Variants in KLHL1 observed in about 807,000 individuals in gnomAD.
KLHL1 encodes the protein kelch like family member 1, also known as kelch-like protein 1.
KLHL1 carries 47 observed loss-of-function variants against 77.7 expected under a neutral mutation model. The ratio of observed to expected loss-of-function variants is 0.60; its 90% confidence interval spans 0.48 to 0.77. The LOEUF (loss-of-function observed/expected upper bound fraction) is 0.77. Ranked by LOEUF, KLHL1 falls within the 30% of genes least tolerant of loss-of-function variation. The probability of loss-of-function intolerance (pLI) is 0.00; values close to 1 mark genes in which losing one functional copy is unlikely to be tolerated. For synonymous variants in KLHL1, 360 were observed against 325.2 expected (o/e 1.11, Z -1.15); for missense variants, 925 against 910.8 (o/e 1.02, Z -0.20).
At chr13:69,894,774 TGA>T (rs1881569046) in intron 4 of KLHL1, 2 of 233,832 alleles carry the variant, frequency 8.6e-6, no homozygotes, top group Non-Finnish European at 1.7e-5. Context: ...TCAGGATGTG[TGA>T]GAGGAAGCTC....
intron 1 of KLHL1, among the ~76,000 whole-genome samples, chr13:69,976,691 G>C (rs1291390588): frequency 6.6e-6 from 1 of 151,998 alleles, no homozygotes; most frequent in African/African-American, 2.4e-5. Flanking sequence ...ATCTTAGAAA[G>C]TAACATGGAG....
chr13:69,855,303 G>C (rs939898067), intron 5 of KLHL1, among the ~76,000 whole-genome samples: 1 of 93,590 alleles, frequency 1.1e-5, no homozygotes, highest in African/African-American at 5.5e-5. Flanking sequence ...TAGATAGATA[G>C]ATAGATAGAT....
At chr13:69,951,963 G>A (rs1249989910) in intron 3 of KLHL1, among the ~76,000 whole-genome samples, 1 of 151,354 alleles carries the variant, frequency 6.6e-6, no homozygotes, top group Non-Finnish European at 1.5e-5. Context: ...AACACTATCC[G>A]AGCACATTGA....
chr13:70,038,186 T>C (rs79706319), intron 1 of KLHL1, among the ~76,000 whole-genome samples: 4,145 of 152,332 alleles, frequency 0.027, 89 homozygotes, highest in African/African-American at 0.055. Context: ...TTTATAGTTT[T>C]CACTCAGCAT....
chr13:70,057,549 G>C (rs1302064109), intron 1 of KLHL1, among the ~76,000 whole-genome samples: 1 of 148,906 alleles, frequency 6.7e-6, no homozygotes, highest in Non-Finnish European at 1.5e-5. Flanking sequence ...GGCCGAGGCG[G>C]GTGGATCATG....
intron 6 of KLHL1, among the ~76,000 whole-genome samples, chr13:69,822,688 T>G (rs1005406148): frequency 6.6e-6 from 1 of 152,124 alleles, no homozygotes; most frequent in African/African-American, 2.4e-5. Flanking sequence ...TACAACCTTA[T>G]AACAATAGGC....
At chr13:69,732,655 GC>G (rs1292511781) in intron 8 of KLHL1, among the ~76,000 whole-genome samples, 6 of 138,260 alleles carry the variant, frequency 4.3e-5, no homozygotes, top group African/African-American at 1.1e-4. Flanking sequence ...TTGTTTGTTT[GC>G]TTTTTTTTTT....
intron 5 of KLHL1, among the ~76,000 whole-genome samples, chr13:69,872,754 A>AT (rs1880629761): frequency 6.6e-6 from 1 of 152,008 alleles, no homozygotes; most frequent in African/African-American, 2.4e-5. Flanking sequence ...TAAAACGGGG[A>AT]TTTTTTGGTA....
At position 69,712,498 on chromosome 13, in the gene KLHL1, G is replaced by A. The variant is rs59519359; in HGVS notation, c.2016-4702C>T. On this transcript the variant is annotated intron_variant, in intron 9 of 10. Coordinates refer to ENST00000377844, the MANE Select transcript of KLHL1 (RefSeq NM_020866.3). Reference sequence around the variant, plus strand: ...GCCATAATCAAGATTCTTTATATGTGTGATTTTGTTTCTGAACACAAATCT... The same window carrying A: ...GCCATAATCAAGATTCTTTATATGTATGATTTTGTTTCTGAACACAAATCT... Among the ~76,000 whole-genome samples the A allele has an allele frequency of 5.9e-3, 899 of 151,814 alleles. 4 individuals carry two copies. The highest frequency in any genetic ancestry group is 0.02 in the African/African-American group (831 of 41,394).
intron 4 of KLHL1, among the ~76,000 whole-genome samples, chr13:69,926,946 CAAA>C (rs71116960): frequency 1.9e-4 from 7 of 36,032 alleles, no homozygotes; most frequent in East Asian, 1.1e-3. Flanking sequence ...GACTCCATCT[CAAA>C]AAAAAAAAAA....
At chr13:70,081,741 GC>G (rs1187720502) in intron 1 of KLHL1, among the ~76,000 whole-genome samples, 1 of 152,154 alleles carries the variant, frequency 6.6e-6, no homozygotes, top group Non-Finnish European at 1.5e-5. Flanking sequence ...CTGGATCGTG[GC>G]CTAGTGAAAC....
chr13:69,740,227 C>T (rs1873928588), intron 8 of KLHL1, among the ~76,000 whole-genome samples, 167 bp downstream of exon 8: 1 of 151,844 alleles, frequency 6.6e-6, no homozygotes, highest in Non-Finnish European at 1.5e-5. Flanking sequence ...TTTTGGGTTC[C>T]GTTGTCTATA....
At chr13:70,025,419 G>A (rs1198869601) in intron 1 of KLHL1, among the ~76,000 whole-genome samples, 2 of 151,842 alleles carry the variant, frequency 1.3e-5, no homozygotes, top group African/African-American at 4.8e-5. Context: ...TCTGGCATTT[G>A]TCATGTAATG....
At chr13:69,906,075 T>C (rs1219180140) in intron 4 of KLHL1, among the ~76,000 whole-genome samples, 2 of 152,062 alleles carry the variant, frequency 1.3e-5, no homozygotes, top group Non-Finnish European at 2.9e-5. Flanking sequence ...TGGCTTCACA[T>C]TGGGAATTTT....
At chr13:69,929,993 G>C (rs1306334601) in intron 4 of KLHL1, among the ~76,000 whole-genome samples, 1 of 151,780 alleles carries the variant, frequency 6.6e-6, no homozygotes, top group African/African-American at 2.4e-5. Flanking sequence ...AGCTGATTTG[G>C]GAAGTTGGTA....
chr13:69,961,595 C>T, intron 2 of KLHL1, 151 bp from the exon 3 acceptor site: 1 of 796,308 alleles, frequency 1.3e-6, no homozygotes, highest in South Asian at 2.1e-5. Context: ...CTTTACAAAA[C>T]TGATTCAAAA....
intron 1 of KLHL1, among the ~76,000 whole-genome samples, chr13:69,978,331 G>C (rs1438747568): frequency 2.0e-5 from 3 of 151,034 alleles, no homozygotes; most frequent in African/African-American, 7.3e-5. Context: ...CTTCTGCTTG[G>C]GTACGCAGAC....
At chr13:69,875,693 G>T in intron 5 of KLHL1, among the ~76,000 whole-genome samples, 1 of 152,012 alleles carries the variant, frequency 6.6e-6, no homozygotes, top group East Asian at 1.9e-4. Flanking sequence ...CTTAAATTTT[G>T]TAACTTGAAC....
intron 1 of KLHL1, among the ~76,000 whole-genome samples, chr13:70,040,909 G>A (rs1184297763): frequency 6.6e-6 from 1 of 152,088 alleles, no homozygotes; most frequent in East Asian, 1.9e-4. Context: ...CTGAGGCCAT[G>A]TTCAGTTTTG....
Sources: gnomAD v4.1 joint callset for allele counts (sites outside exome capture counted in the v4.1 genomes callset) on GRCh38, gnomAD v4.1.1 for gene constraint, MANE v1.5 for transcripts, NCBI Gene and HGNC (gene_info 2026-07-23, HGNC 2026-07-21) for gene names.